The following MARS2 variants were observed in gnomAD, a reference collection of about 807,000 sequenced individuals.
MARS2 encodes the protein methionyl-tRNA synthetase 2, mitochondrial, also known as methionine--tRNA ligase, mitochondrial.
In MARS2, 33 loss-of-function variants were observed where a neutral mutation model predicts 43.8. The observed-to-expected ratio is 0.75, with a 90% confidence interval of 0.57 to 1.01. The LOEUF (loss-of-function observed/expected upper bound fraction) is 1.01. MARS2 is among the 50% of genes least tolerant of loss of function. The pLI, the probability that MARS2 is intolerant of heterozygous loss-of-function variation, is 0.00. For missense variants in MARS2, 720 were observed against 763.0 expected (o/e 0.94, Z 0.66); for synonymous variants, 351 against 325.5 (o/e 1.08, Z -0.84).
In MARS2 at chr2:197,706,899, G is replaced by A. The variant is rs753383370; in HGVS notation, c.1494G>A (p.Glu498=). 5.6e-6 allele frequency: 9 copies of A among 1,614,218 alleles called. No homozygotes were observed. The South Asian group carries it at 8.8e-5, about 16-fold the overall frequency. The change falls in exon 1 of 1, where the codon GAG becomes GAA. Residue 498 remains glutamate (E), a synonymous_variant. Transcript: ENST00000282276. ...ATGCACCATGGAAGCTGAACTGGGA[G>A]AGCCCAGTGGATGCTCCCTGGCTGG... ...QRHAPWKLNW[E]SPVDAPWLGT... is the part of the protein sequence containing the mutation.
Position 197,705,577 on chromosome 2 carries a change from C to G in MARS2, c.172C>G (p.Pro58Ala), listed in dbSNP as rs750591392. The change falls in exon 1 of 1, where the codon CCG becomes GCG. Residue 58 changes from proline (P) to alanine (A), a missense_variant. Physicochemically the swap from Pro to Ala is conservative, Grantham distance 27 (BLOSUM62 -1). Coordinates refer to ENST00000282276, the MANE Select transcript of MARS2 (RefSeq NM_138395.4). ...ACCCATTTTCTACGTGAACGCGGCG[C>G]CGCACATCGGGCACCTGTACTCGGC... ...TTPIFYVNAA[P>A]HIGHLYSALL... 6.2e-7 allele frequency: 1 copy of G among 1,613,220 alleles called. No individual in the cohort carries two copies. The highest frequency in any genetic ancestry group is 8.5e-7 in the Non-Finnish European group (1 of 1,179,952).
In MARS2 at chr2:197,707,138, C is replaced by G. The variant is rs1398042019; in HGVS notation, c.1733C>G (p.Pro578Arg). The stretch of plus-strand genomic sequence containing the variant: ...GGACCTGAAACTGGGCTTTTGTTTC[C>G]AAGACTAGACCAGTCCAGGACTTGG... Reference protein sequence around the residue: ...RLGPETGLLFPRLDQSRTWLV... With the variant: ...RLGPETGLLFRRLDQSRTWLV... The change falls in exon 1 of 1, where the codon CCA (proline) becomes CGA (arginine). Residue 578 changes from proline to arginine, a missense_variant. Coordinates refer to ENST00000282276, the MANE Select transcript of MARS2 (RefSeq NM_138395.4). 6.2e-7 allele frequency: 1 copy of G among 1,614,074 alleles called. No homozygotes were observed.
chr2:197,707,083 C>T lies in MARS2; in HGVS notation c.1678C>T (p.His560Tyr). The T allele has an allele frequency of 6.2e-7, 1 of 1,614,200 alleles. No homozygotes were observed. Among genetic ancestry groups the T allele is most frequent in the Non-Finnish European group, 8.5e-7 (1 of 1,180,040 alleles). ...CTATTTCTTGCCTCGATTCTATGGA[C>T]ATCCATGCCCTTTTGAAGGGAGGAG... ...ELYFLPRFYG[H>Y]PCPFEGRRLG... Residue 560 changes from histidine to tyrosine, a missense_variant, in exon 1 of 1, where the codon CAT (histidine) becomes TAT (tyrosine). By Grantham distance (83) the His-to-Tyr change is moderately conservative (BLOSUM62 2). Coordinates refer to ENST00000282276, the MANE Select transcript of MARS2 (RefSeq NM_138395.4).
At position 197,705,996 on chromosome 2, in the gene MARS2, C is replaced by G. The variant is rs1345427559; in HGVS notation, c.591C>G (p.Leu197=). ...CGGGGGATTCGTTTCCTGTATCTCTCGAGAGCGGGCATCCAGTCTCCTGGA... is the reference window on the plus strand; with the variant it reads ...CGGGGGATTCGTTTCCTGTATCTCTGGAGAGCGGGCATCCAGTCTCCTGGA... The part of the protein sequence containing the change: ...GPSGDSFPVS[L]ESGHPVSWTK... Residue 197 remains leucine, a synonymous_variant, in exon 1 of 1, where the codon CTC becomes CTG. Transcript: ENST00000282276. The G allele has an allele frequency of 6.2e-7, 1 of 1,614,064 alleles. No individual in the cohort carries two copies. The highest frequency in any genetic ancestry group is 8.5e-7 in the Non-Finnish European group (1 of 1,180,044).
In MARS2 at chr2:197,706,527, C is replaced by T. The variant is rs765106202; in HGVS notation, c.1122C>T (p.Leu374=). Residue 374 remains leucine (L), a synonymous_variant, in exon 1 of 1, where the codon CTC becomes CTT. Transcript: ENST00000282276. ...RYTVDGFRYF[L]LRQGVPNWDC... is the part of the protein sequence containing the mutation. ...CCGTGGATGGCTTCCGCTACTTTCT[C>T]CTTCGGCAGGGCGTCCCCAACTGGG... is the stretch of plus-strand genomic sequence containing the variant. 86 of 1,614,128 alleles carry T rather than the reference C, an allele frequency of 5.3e-5. No individual in the cohort carries two copies. Among genetic ancestry groups the T allele is most frequent in the Non-Finnish European group, 6.8e-5 (80 of 1,180,060 alleles).
At position 197,707,463 on chromosome 2, in the gene MARS2, G is replaced by T; in HGVS notation, c.*276G>T. 1 of 343,802 alleles carries T rather than the reference G, an allele frequency of 2.9e-6. No homozygotes were observed. The allele number at this position is 343,802 out of a possible 1,614,324, so 21.3% of individuals were successfully genotyped here. A position where few individuals can be genotyped will look rare whatever the true frequency, so the allele number is the denominator to read the frequency against. ...GTTGCTAATGCTGTTCCTTCTTTGTGCCTCCTTCCAAACCACAGTTATTTG... is the reference window on the plus strand; with the variant it reads ...GTTGCTAATGCTGTTCCTTCTTTGTTCCTCCTTCCAAACCACAGTTATTTG... On this transcript the variant is annotated 3_prime_UTR_variant, in exon 1 of 1. Coordinates refer to ENST00000282276, the MANE Select transcript of MARS2 (RefSeq NM_138395.4).
chr2:197,707,824 C>G lies in MARS2; in HGVS notation c.*637C>G, dbSNP rs182537695. ...GGCTCTAATCTCACACATTTACTTA[C>G]TAAAGATTGAGGATTCGGAATATTT... On this transcript the variant is annotated 3_prime_UTR_variant, in exon 1 of 1. Coordinates refer to ENST00000282276, the MANE Select transcript of MARS2 (RefSeq NM_138395.4). 1.2e-5 allele frequency: 2 copies of G among 167,312 alleles called. No homozygotes were observed. Among genetic ancestry groups the G allele is most frequent in the East Asian group, 3.7e-4 (2 of 5,334 alleles). 10.4% of individuals were successfully genotyped at this position (167,312 alleles called of 1,614,324 possible).
In MARS2 at chr2:197,705,552, A is replaced by G. The variant is rs745379645; in HGVS notation, c.147A>G (p.Thr49=). 7 of 1,613,144 alleles carry G rather than the reference A, an allele frequency of 4.3e-6. No individual in the cohort carries two copies. Among genetic ancestry groups the G allele is most frequent in the Non-Finnish European group, 5.9e-6 (7 of 1,179,944 alleles). Residue 49 remains threonine (T), a synonymous_variant, in exon 1 of 1, where the codon ACA becomes ACG. Transcript: ENST00000282276. ...DACDVRAYFT[T]PIFYVNAAPH... ...GTGATGTGCGCGCCTACTTCACTAC[A>G]CCCATTTTCTACGTGAACGCGGCGC...
Position 197,705,373 on chromosome 2 carries a change from C to T in MARS2, c.-33C>T. The stretch of plus-strand genomic sequence containing the variant: ...GCGCCTCTCACACGTGCTGTCAGAA[C>T]GCCGCCTCCTCCGCTTGCGGCCGGT... On this transcript the variant is annotated 5_prime_UTR_variant, in exon 1 of 1. The change creates a new upstream start codon in the 5' untranslated region. Transcript: ENST00000282276. 6.5e-7 allele frequency: 1 copy of T among 1,545,284 alleles called. No individual in the cohort carries two copies.
chr2:197,705,513 C>T lies in MARS2; in HGVS notation c.108C>T (p.Ala36=), dbSNP rs756469189. The T allele has an allele frequency of 1.9e-6, 3 of 1,613,066 alleles. No homozygotes were observed. Among genetic ancestry groups the T allele is most frequent in the Non-Finnish European group, 1.7e-6 (2 of 1,179,996 alleles). The change falls in exon 1 of 1, where the codon GCC becomes GCT. Residue 36 remains alanine, a synonymous_variant. Coordinates refer to ENST00000282276, the MANE Select transcript of MARS2 (RefSeq NM_138395.4). ...ACTACAGTTCGGGCTCCCTCAGTGC[C>T]GGCGATGATGCTTGTGATGTGCGCG... ...PRYYSSGSLS[A]GDDACDVRAY...
At position 197,705,414 on chromosome 2, in the gene MARS2, A is replaced by G. The variant is rs2089464842; in HGVS notation, c.9A>G (p.Arg3=). The change falls in exon 1 of 1, where the codon CGA becomes CGG. Residue 3 remains arginine (R), a synonymous_variant. Coordinates refer to ENST00000282276, the MANE Select transcript of MARS2 (RefSeq NM_138395.4). ...TGCGGCCGGTCTGCACCATGCTGCG[A>G]ACGTCCGTCCTCCGCCTGCTAGGAC... is the stretch of plus-strand genomic sequence containing the variant. The part of the protein sequence containing the change: ML[R]TSVLRLLGRT... The G allele has an allele frequency of 1.2e-6, 2 of 1,609,198 alleles. No individual in the cohort carries two copies. Among genetic ancestry groups the G allele is most frequent in the Non-Finnish European group, 8.5e-7 (1 of 1,178,308 alleles).
In MARS2 at chr2:197,706,110, C is replaced by A. The variant is rs2089472913; in HGVS notation, c.705C>A (p.Pro235=). 1 of 1,614,036 alleles carries A rather than the reference C, an allele frequency of 6.2e-7. No homozygotes were observed. Among genetic ancestry groups the A allele is most frequent in the African/African-American group, 1.3e-5 (1 of 74,948 alleles). ...WLRGNPQAIT[P]EPFHHVVLQW... ...GGGGCAACCCTCAGGCGATCACCCC[C>A]GAACCATTTCATCACGTAGTTCTTC... The change falls in exon 1 of 1, where the codon CCC becomes CCA. Residue 235 remains proline, a synonymous_variant. Coordinates refer to ENST00000282276, the MANE Select transcript of MARS2 (RefSeq NM_138395.4).
rs2089484780 is a variant in MARS2, at chr2:197,707,296, C to T, written c.*109C>T. 2.0e-6 allele frequency: 2 copies of T among 1,011,258 alleles called. No homozygotes were observed. The highest frequency in any genetic ancestry group is 2.7e-4 in the Middle Eastern group (1 of 3,768). 62.6% of individuals were successfully genotyped at this position (1,011,258 alleles called of 1,614,324 possible). Reference sequence around the variant, plus strand: ...TTTCTTAAGTGTGGAATCAAATGAGCACATAAGCTGTGTCCCTGTGAAAAG... The same window carrying T: ...TTTCTTAAGTGTGGAATCAAATGAGTACATAAGCTGTGTCCCTGTGAAAAG... On this transcript the variant is annotated 3_prime_UTR_variant, in exon 1 of 1. Coordinates refer to ENST00000282276, the MANE Select transcript of MARS2 (RefSeq NM_138395.4).
rs780989434 is a variant in MARS2, at chr2:197,705,947, A to C, written c.542A>C (p.Lys181Thr). The C allele has an allele frequency of 1.2e-6, 2 of 1,613,856 alleles. No homozygotes were observed. The highest frequency in any genetic ancestry group is 2.2e-5 in the East Asian group (1 of 44,866). ...GACGAGTGCTTCCTGCCTGAGGCCA[A>C]GGTCACCCAGCAGCCGGGCCCATCG... ...ASDECFLPEA[K>T]VTQQPGPSGD... The change falls in exon 1 of 1, where the codon AAG (lysine) becomes ACG (threonine). Residue 181 changes from lysine to threonine, a missense_variant. Lys to Thr is a moderately conservative substitution (Grantham distance 78). Coordinates refer to ENST00000282276, the MANE Select transcript of MARS2 (RefSeq NM_138395.4).
At position 197,707,179 on chromosome 2, in the gene MARS2, CG is replaced by C; in HGVS notation, c.1776del (p.Thr593ProfsTer11). 6.2e-7 allele frequency: 1 copy of C among 1,610,100 alleles called. No homozygotes were observed. Among genetic ancestry groups the C allele is most frequent in the Non-Finnish European group, 8.5e-7 (1 of 1,178,146 alleles). On this transcript the variant is annotated frameshift_variant, in exon 1 of 1. Coordinates refer to ENST00000282276, the MANE Select transcript of MARS2 (RefSeq NM_138395.4). LOFTEE classifies it high-confidence loss of function. ...QSRTWLVKAH[R>X]T is the part of the protein sequence containing the mutation. ...CAGGACTTGGCTGGTGAAAGCCCACCGGACCTAGAAACTCAGTTCTTACCGG... is the reference window on the plus strand; with the variant it reads ...CAGGACTTGGCTGGTGAAAGCCCACCGACCTAGAAACTCAGTTCTTACCGG...
rs377282103 is a variant in MARS2, at chr2:197,706,881, A to G, written c.1476A>G (p.Pro492=). Residue 492 remains proline, a synonymous_variant, in exon 1 of 1, where the codon CCA becomes CCG. Transcript: ENST00000282276. ...ATGGTTTTGTCCAAAGGCATGCACC[A>G]TGGAAGCTGAACTGGGAGAGCCCAG... ...QTNGFVQRHA[P]WKLNWESPVD... 5 of 1,614,092 alleles carry G rather than the reference A, an allele frequency of 3.1e-6. No homozygotes were observed. The South Asian group carries it at 3.3e-5, about 11-fold the overall frequency.
At position 197,706,369 on chromosome 2, in the gene MARS2, G is replaced by A. The variant is rs771633968; in HGVS notation, c.964G>A (p.Ala322Thr). Reference sequence around the variant, plus strand: ...CAAATTCCATGCCATCTATTGGCCTGCCTTCCTGTTAGGGGCCGGCATGAG... The same window carrying A: ...CAAATTCCATGCCATCTATTGGCCTACCTTCCTGTTAGGGGCCGGCATGAG... ...ILKFHAIYWP[A>T]FLLGAGMSPP... Residue 322 changes from alanine to threonine, a missense_variant, in exon 1 of 1, where the codon GCC becomes ACC. Ala to Thr is a moderately conservative substitution (Grantham distance 58). Coordinates refer to ENST00000282276, the MANE Select transcript of MARS2 (RefSeq NM_138395.4). 13 of 1,614,094 alleles carry A rather than the reference G, an allele frequency of 8.1e-6. No homozygotes were observed. The highest frequency in any genetic ancestry group is 1.1e-5 in the Non-Finnish European group (13 of 1,180,056).
rs1225346879 is a variant in MARS2, at chr2:197,705,598, TC to T, written c.194del (p.Ser65TrpfsTer33). ...NAAPHIGHLY[S>X]ALLADALCRH... is the part of the protein sequence containing the mutation. ...GGCGCCGCACATCGGGCACCTGTACTCGGCACTACTGGCGGACGCCCTATGC... is the reference window on the plus strand; with the variant it reads ...GGCGCCGCACATCGGGCACCTGTACTGGCACTACTGGCGGACGCCCTATGC... On this transcript the variant is annotated frameshift_variant, in exon 1 of 1. Transcript: ENST00000282276. LOFTEE classifies it high-confidence loss of function. 1 of 1,613,086 alleles carries T rather than the reference TC, an allele frequency of 6.2e-7. No homozygotes were observed. Among genetic ancestry groups the T allele is most frequent in the South Asian group, 1.1e-5 (1 of 91,056 alleles).
rs767113732 is a variant in MARS2 at position 197,706,266 on chromosome 2, C to T, written c.861C>T (p.Leu287=). Residue 287 remains leucine, a synonymous_variant, in exon 1 of 1, where the codon CTC becomes CTT. Transcript: ENST00000282276. ...GGCTGGATGCCCTGGTCAACTACCT[C>T]ACTGTAATTGGCTACCCAAATGCTG... ...YVWLDALVNY[L]TVIGYPNAEF... is the part of the protein sequence containing the mutation. The T allele has an allele frequency of 1.2e-6, 2 of 1,614,230 alleles. No individual in the cohort carries two copies. The highest frequency in any genetic ancestry group is 3.3e-5 in the Admixed American group (2 of 60,034).
Sources: allele counts gnomAD v4.1 joint callset, GRCh38; gene constraint gnomAD v4.1.1; transcripts MANE v1.5; gene names NCBI Gene and HGNC (gene_info 2026-07-23, HGNC 2026-07-21).